Variants in UBE2W observed in about 807,000 individuals in gnomAD.
The protein encoded by UBE2W is ubiquitin-conjugating enzyme E2 W.
UBE2W carries 18 observed loss-of-function variants against 27.2 expected under a neutral mutation model. That is an observed-to-expected ratio of 0.66 (90% CI 0.46 to 0.98). The LOEUF (loss-of-function observed/expected upper bound fraction) is 0.98. Among genes scored for constraint, UBE2W ranks in the 50% least tolerant of loss-of-function variants. The pLI is 0.00. For missense variants in UBE2W, 90 were observed against 180.2 expected, an observed-to-expected ratio of 0.50 and a Z score of 2.87; for synonymous variants, 53 against 57.2, an observed-to-expected ratio of 0.93 and a Z score of 0.33.
intron 1 of UBE2W, among the ~76,000 whole-genome samples, chr8:73,862,211 T>G (rs1295982842): frequency 6.6e-6 from 1 of 152,176 alleles, no homozygotes; most frequent in Admixed American, 6.6e-5. Flanking sequence ...GGGCAGATCA[T>G]GTGAGGTCAG....
intron 1 of UBE2W, among the ~76,000 whole-genome samples, chr8:73,867,043 A>C (rs997284070): frequency 1.3e-5 from 2 of 152,088 alleles, no homozygotes; most frequent in Admixed American, 1.3e-4. Context: ...AATGTAATAA[A>C]TAATGTCTAA....
intron 1 of UBE2W, among the ~76,000 whole-genome samples, chr8:73,877,960 G>A (rs932717039): frequency 6.6e-6 from 1 of 152,146 alleles, no homozygotes; most frequent in African/African-American, 2.4e-5. Context: ...GTTAACAAAC[G>A]CCTCCTACCA....
chr8:73,854,327 GAATA>G (rs1811199508), intron 1 of UBE2W, among the ~76,000 whole-genome samples: 1 of 152,206 alleles, frequency 6.6e-6, no homozygotes, highest in South Asian at 2.1e-4. Context: ...CATATTGTTA[GAATA>G]AATATTGATG....
At chr8:73,844,984 C>T (rs554555756) in intron 1 of UBE2W, among the ~76,000 whole-genome samples, 187 of 150,768 alleles carry the variant, frequency 1.2e-3, no homozygotes, top group African/African-American at 4.3e-3. Flanking sequence ...GGAGCGTCTC[C>T]GCCCTGCAGC....
intron 1 of UBE2W, among the ~76,000 whole-genome samples, chr8:73,869,063 A>C (rs1269345445): frequency 6.6e-6 from 1 of 152,214 alleles, no homozygotes; most frequent in Non-Finnish European, 1.5e-5. Flanking sequence ...AGTACAACCA[A>C]AAAATGGGCC....
At chr8:73,848,833 CACTTTGTGAATATATGA>C in intron 1 of UBE2W, among the ~76,000 whole-genome samples, 1 of 152,252 alleles carries the variant, frequency 6.6e-6, no homozygotes, top group East Asian at 1.9e-4. Flanking sequence ...AAGGTGTATT[CACTTTGTGAATATATGA>C]ACTTTACATG....
intron 4 of UBE2W, among the ~76,000 whole-genome samples, 154 bp downstream of exon 4, chr8:73,810,320 A>C (rs1809102185): frequency 2.0e-5 from 3 of 152,230 alleles, no homozygotes; most frequent in Admixed American, 2.0e-4. Flanking sequence ...TATCAAAATA[A>C]CTTTCCAATT....
chr8:73,827,703 ATTTTTTTC>A (rs1809908925), intron 2 of UBE2W, among the ~76,000 whole-genome samples: 1 of 151,196 alleles, frequency 6.6e-6, no homozygotes, highest in Admixed American at 6.6e-5. Context: ...CCAACTTTTA[ATTTTTTTC>A]TTTTTTTCAG....
At chr8:73,803,404 A>G (rs1050788328) in intron 5 of UBE2W, among the ~76,000 whole-genome samples, 4 of 152,168 alleles carry the variant, frequency 2.6e-5, no homozygotes, top group Non-Finnish European at 4.4e-5. Context: ...CTGGGCCTAA[A>G]TAAGAGGAAC....
At chr8:73,852,958 G>A (rs1298327962) in intron 1 of UBE2W, among the ~76,000 whole-genome samples, 2 of 152,276 alleles carry the variant, frequency 1.3e-5, no homozygotes, top group Non-Finnish European at 2.9e-5. Flanking sequence ...ATATTCTATG[G>A]TCTGAACATT....
intron 1 of UBE2W, among the ~76,000 whole-genome samples, chr8:73,854,038 A>C (rs1811184853): frequency 6.6e-6 from 1 of 152,196 alleles, no homozygotes; most frequent in East Asian, 1.9e-4. Flanking sequence ...AGTCCCAGCT[A>C]CTCAGGAGGC....
chr8:73,794,227 A>C, intron 5 of UBE2W, 112 bp from the exon 6 acceptor site: 1 of 1,326,764 alleles, frequency 7.5e-7, no homozygotes, highest in Non-Finnish European at 1.0e-6. Flanking sequence ...CATAGTTTAC[A>C]TGTCTGATCT....
At chr8:73,849,386 C>A (rs972358309) in intron 1 of UBE2W, among the ~76,000 whole-genome samples, 1 of 151,766 alleles carries the variant, frequency 6.6e-6, no homozygotes, top group African/African-American at 2.4e-5. Context: ...GTGGCGGGTG[C>A]CTGTAATCCC....
At chr8:73,878,415 G>A (rs1462952152) in intron 1 of UBE2W, among the ~76,000 whole-genome samples, 6 of 152,208 alleles carry the variant, frequency 3.9e-5, no homozygotes, top group Non-Finnish European at 8.8e-5. Context: ...CAACAACCGC[G>A]GGCGCAGCTG....
intron 1 of UBE2W, among the ~76,000 whole-genome samples, chr8:73,845,600 A>G (rs1033709916): frequency 6.6e-6 from 1 of 151,212 alleles, no homozygotes; most frequent in Non-Finnish European, 1.5e-5. Context: ...GCCTAGGAAA[A>G]CCAGAGACCT....
At chr8:73,869,910 CA>C (rs1192140459) in intron 1 of UBE2W, among the ~76,000 whole-genome samples, 33 of 152,184 alleles carry the variant, frequency 2.2e-4, no homozygotes, top group African/African-American at 7.5e-4. Flanking sequence ...CACAAAAGGT[CA>C]TATATAATAT....
intron 1 of UBE2W, among the ~76,000 whole-genome samples, chr8:73,838,891 G>A (rs1810415301): frequency 6.6e-6 from 1 of 152,148 alleles, no homozygotes; most frequent in African/African-American, 2.4e-5. Flanking sequence ...CAACTAATCA[G>A]ACTGATTGTG....
intron 2 of UBE2W, among the ~76,000 whole-genome samples, chr8:73,829,669 A>G (rs968908075): frequency 1.3e-5 from 2 of 152,084 alleles, no homozygotes; most frequent in Non-Finnish European, 2.9e-5. Context: ...TACAAATGCC[A>G]AAGTCAAAGG....
rs1284168715 is a variant in UBE2W, at chr8:73,801,959, AGAG to A, written c.442+3689_442+3691del. On this transcript the variant is annotated intron_variant, in intron 5 of 5. Coordinates refer to ENST00000602593, the MANE Select transcript of UBE2W (RefSeq NM_018299.6). Reference sequence around the variant, plus strand: ...CTTTGGTGAAAGAGCTCCTAAGAAGAGAGGAGTTGTGTGTGTAGTAGAATTAAT... The same window carrying A: ...CTTTGGTGAAAGAGCTCCTAAGAAGAGAGTTGTGTGTGTAGTAGAATTAAT... Among the ~76,000 whole-genome samples, 9 of 152,190 alleles carry A rather than the reference AGAG, an allele frequency of 5.9e-5. No individual in the cohort carries two copies. The East Asian group carries it at 1.5e-3, about 26-fold the overall frequency.
Sources: allele counts gnomAD v4.1 joint callset (sites outside exome capture counted in the v4.1 genomes callset), GRCh38; gene constraint gnomAD v4.1.1; transcripts MANE v1.5; gene names NCBI Gene and HGNC (gene_info 2026-07-23, HGNC 2026-07-21).